NTRK2: variants seen among roughly 807,000 people sequenced by gnomAD.
NTRK2 encodes BDNF/NT-3 growth factors receptor.
A neutral mutation model predicts 94.5 loss-of-function variants in NTRK2; 13 were observed. That is an observed-to-expected ratio of 0.14 (90% CI 0.09 to 0.22). The LOEUF (loss-of-function observed/expected upper bound fraction) is 0.22, where lower values mean the gene tolerates loss of function less well. Ranked by LOEUF, NTRK2 falls within the 10% of genes least tolerant of loss-of-function variation. The probability of loss-of-function intolerance (pLI) is 1.00; values close to 1 mark genes in which losing one functional copy is unlikely to be tolerated. For synonymous variants in NTRK2, 372 were observed against 407.4 expected (o/e 0.91, Z 1.05); for missense variants, 639 against 1,071.2 (o/e 0.60, Z 5.63).
intron 11 of NTRK2, among the ~76,000 whole-genome samples, chr9:84,748,324 G>C (rs188109549): frequency 1.3e-4 from 20 of 152,298 alleles, no homozygotes; most frequent in East Asian, 1.2e-3. Flanking sequence ...GTTTACGAAA[G>C]GATTTAAATT....
chr9:84,897,056 A>G (rs2076779253), intron 14 of NTRK2, among the ~76,000 whole-genome samples: 1 of 152,154 alleles, frequency 6.6e-6, no homozygotes, highest in Non-Finnish European at 1.5e-5. Context: ...ACCAAAGCCC[A>G]GGGATTGTTG....
At chr9:84,953,843 G>A (rs1356243763) in intron 16 of NTRK2, among the ~76,000 whole-genome samples, 1 of 152,190 alleles carries the variant, frequency 6.6e-6, no homozygotes, top group Non-Finnish European at 1.5e-5. Flanking sequence ...GGTAGGCCTG[G>A]GAGACCCCCC....
chr9:84,870,331 GTATA>G lies in NTRK2; in HGVS notation c.1633+2931_1633+2934del, dbSNP rs1158637577. ...ATACATATATGTGGGGTGTGTGTGT[GTATA>G]TATATATATATATATATATATATAT... On this transcript the variant is annotated intron_variant, in intron 14 of 18. Coordinates refer to ENST00000277120, the MANE Select transcript of NTRK2 (RefSeq NM_006180.6). Among the ~76,000 whole-genome samples the G allele has an allele frequency of 4.1e-3, 127 of 31,180 alleles. 7 individuals are homozygous for G. The highest frequency in any genetic ancestry group is 0.021 in the South Asian group (7 of 330). The allele number at this position is 31,180 out of a possible 152,430, so 20.5% of individuals were successfully genotyped here. A position where few individuals can be genotyped will look rare whatever the true frequency, so the allele number is the denominator to read the frequency against.
chr9:84,922,613 C>T (rs2077603929), intron 14 of NTRK2, among the ~76,000 whole-genome samples: 1 of 152,152 alleles, frequency 6.6e-6, no homozygotes, highest in Non-Finnish European at 1.5e-5. Flanking sequence ...CTTCAAGACC[C>T]AGTTACTACA....
intron 15 of NTRK2, among the ~76,000 whole-genome samples, chr9:84,938,233 T>C (rs557108583): frequency 6.6e-6 from 1 of 152,334 alleles, no homozygotes; most frequent in East Asian, 1.9e-4. Context: ...AAATTCTTTC[T>C]TGTCAACAGA....
At position 84,752,035 on chromosome 9, in the gene NTRK2, T is replaced by C. The variant is rs1252750979; in HGVS notation, c.1346T>C (p.Val449Ala). Residue 449 changes from valine (V) to alanine (A), a missense_variant, in exon 12 of 19, where the codon GTA becomes GCA. By Grantham distance (64) the Val-to-Ala change is moderately conservative (BLOSUM62 0). Coordinates refer to ENST00000277120, the MANE Select transcript of NTRK2 (RefSeq NM_006180.6). Reference protein sequence around the residue: ...IASVVGFCLLVMLFLLKLARH... With the variant: ...IASVVGFCLLAMLFLLKLARH... ...TCTGTGGTGGGATTTTGCCTTTTGGTAATGCTGTTTCTGCTTAAGTTGGCA... is the reference window on the plus strand; with the variant it reads ...TCTGTGGTGGGATTTTGCCTTTTGGCAATGCTGTTTCTGCTTAAGTTGGCA... 6.2e-7 allele frequency: 1 copy of C among 1,614,100 alleles called. No individual in the cohort carries two copies. The highest frequency in any genetic ancestry group is 2.2e-5 in the East Asian group (1 of 44,870).
intron 14 of NTRK2, chr9:84,874,343 G>A (rs200125403): frequency 9.4e-6 from 10 of 1,064,990 alleles, no homozygotes; most frequent in African/African-American, 1.6e-5. Flanking sequence ...ATCCTTTACG[G>A]CAGCTATTAT....
chr9:85,019,430 C>T (rs1832588087), intron 17 of NTRK2, among the ~76,000 whole-genome samples: 1 of 152,166 alleles, frequency 6.6e-6, no homozygotes, highest in Admixed American at 6.5e-5. Context: ...TCCTAACTTT[C>T]CTCCATGAAG....
chr9:84,686,934 T>G (rs1315006355), intron 2 of NTRK2, among the ~76,000 whole-genome samples: 2 of 152,240 alleles, frequency 1.3e-5, no homozygotes, highest in African/African-American at 4.8e-5. Context: ...ATAAATAATA[T>G]AAATCATATC....
rs193031608 is a variant in NTRK2 at position 84,723,211 on chromosome 9, T to C, written c.584-362T>C. On this transcript the variant is annotated intron_variant, in intron 6 of 18. Transcript: ENST00000277120. ...AGGAGACAGGAGGAAATAAAAGACA[T>C]GATGTCAGTCCTTATGTACAATCTC... 2.5e-3 allele frequency among the ~76,000 whole-genome samples: 378 copies of C among 152,300 alleles called. 2 individuals carry two copies. Among genetic ancestry groups the C allele is most frequent in the African/African-American group, 8.3e-3 (345 of 41,570 alleles).
chr9:84,936,860 AT>A (rs561806546), intron 15 of NTRK2, among the ~76,000 whole-genome samples: 129 of 147,340 alleles, frequency 8.8e-4, no homozygotes, highest in East Asian at 1.2e-3. Flanking sequence ...TTACATGTGA[AT>A]TTTTTTTTTT....
intron 14 of NTRK2, chr9:84,877,990 C>G: frequency 3.1e-6 from 3 of 973,408 alleles, no homozygotes; most frequent in Non-Finnish European, 3.7e-6. Flanking sequence ...CCTCAAGGCA[C>G]CACGAACAGA....
In NTRK2 at chr9:85,010,244, T is replaced by C. The variant is rs189941979; in HGVS notation, c.2173-9962T>C. On this transcript the variant is annotated intron_variant, in intron 17 of 18. Transcript: ENST00000277120. ...TAACTTACATAGGAAGAGTCTTACATTGGAGTTTTGGTCCTAAACCAGCAT... is the reference window on the plus strand; with the variant it reads ...TAACTTACATAGGAAGAGTCTTACACTGGAGTTTTGGTCCTAAACCAGCAT... 3.1e-3 allele frequency among the ~76,000 whole-genome samples: 478 copies of C among 152,336 alleles called. 3 individuals are homozygous for C. The highest frequency in any genetic ancestry group is 0.011 in the African/African-American group (462 of 41,580).
chr9:84,907,423 A>C (rs2077104052), intron 14 of NTRK2, among the ~76,000 whole-genome samples: 1 of 152,250 alleles, frequency 6.6e-6, no homozygotes, highest in Non-Finnish European at 1.5e-5. Flanking sequence ...AAAATGGAGA[A>C]TCTTTGGTTC....
intron 14 of NTRK2, among the ~76,000 whole-genome samples, chr9:84,892,437 T>C (rs774936508): frequency 6.6e-6 from 1 of 152,218 alleles, no homozygotes; most frequent in East Asian, 1.9e-4. Flanking sequence ...CCACTCTCCA[T>C]ATTTTATTAA....
intron 14 of NTRK2, among the ~76,000 whole-genome samples, chr9:84,895,082 C>G (rs902705880): frequency 6.6e-6 from 1 of 152,188 alleles, no homozygotes. Flanking sequence ...GGTGGGGAGA[C>G]AGCAGGATAT....
intron 12 of NTRK2, among the ~76,000 whole-genome samples, chr9:84,780,195 C>A (rs1218769825): frequency 6.6e-6 from 1 of 152,030 alleles, no homozygotes; most frequent in Non-Finnish European, 1.5e-5. Context: ...ACTATGAACC[C>A]CAGGCTCAAT....
chr9:84,962,803 T>C (rs1016359637), intron 17 of NTRK2, among the ~76,000 whole-genome samples: 3 of 152,158 alleles, frequency 2.0e-5, no homozygotes, highest in African/African-American at 7.2e-5. Context: ...TTAGCTGGGG[T>C]ACAGAGGGAA....
chr9:85,024,639 G>A lies in NTRK2; in HGVS notation c.*3202G>A. ...TCTAATATGCAAACAAGCAGTTCAG[G>A]AAAGAAAGCATGCTAACACATTCAT... On this transcript the variant is annotated 3_prime_UTR_variant, in exon 19 of 19. Coordinates refer to ENST00000277120, the MANE Select transcript of NTRK2 (RefSeq NM_006180.6). 4.3e-6 allele frequency: 1 copy of A among 232,882 alleles called. No individual in the cohort carries two copies. The highest frequency in any genetic ancestry group is 8.5e-6 in the Non-Finnish European group (1 of 117,858). 14.4% of individuals were successfully genotyped at this position (232,882 alleles called of 1,614,324 possible). A position where few individuals can be genotyped will look rare whatever the true frequency, so the allele number is the denominator to read the frequency against.
Sources: gnomAD v4.1 joint callset for allele counts (sites outside exome capture counted in the v4.1 genomes callset) on GRCh38, gnomAD v4.1.1 for gene constraint, MANE v1.5 for transcripts, NCBI Gene and HGNC (gene_info 2026-07-23, HGNC 2026-07-21) for gene names.